Variants in FAM91A1 observed in about 807,000 individuals in gnomAD.
FAM91A1 encodes family with sequence similarity 91 member A1, also known as protein FAM91A1.
A neutral mutation model predicts 113.5 loss-of-function variants in FAM91A1; 41 were observed. The observed-to-expected ratio is 0.36, with a 90% confidence interval of 0.28 to 0.47. The LOEUF (loss-of-function observed/expected upper bound fraction) is 0.47, where lower values mean the gene tolerates loss of function less well. Ranked by LOEUF, FAM91A1 falls within the 20% of genes least tolerant of loss-of-function variation. FAM91A1 has a pLI of 1.00. For missense variants in FAM91A1, 696 were observed against 1,001.2 expected, an observed-to-expected ratio of 0.70 and a Z score of 4.11; for synonymous variants, 307 against 347.9, an observed-to-expected ratio of 0.88 and a Z score of 1.31.
intron 8 of FAM91A1, among the ~76,000 whole-genome samples, chr8:123,781,958 G>T (rs994134357): frequency 6.6e-6 from 1 of 152,188 alleles, no homozygotes; most frequent in African/African-American, 2.4e-5. Context: ...TGGAAAATAT[G>T]AAAGTATTAC....
chr8:123,777,661 G>A (rs926357088), intron 4 of FAM91A1, among the ~76,000 whole-genome samples: 1 of 152,202 alleles, frequency 6.6e-6, no homozygotes, highest in African/African-American at 2.4e-5. Context: ...GTGACATACA[G>A]TTTTTAGTAA....
intron 18 of FAM91A1, among the ~76,000 whole-genome samples, chr8:123,801,844 C>T (rs1188115406): frequency 6.6e-6 from 1 of 151,664 alleles, no homozygotes; most frequent in Non-Finnish European, 1.5e-5. Flanking sequence ...TTTCTAGTGC[C>T]CAGCACGGTG....
At chr8:123,811,325 A>T (rs2130169731) in intron 23 of FAM91A1, 1 of 152,346 alleles carries the variant, frequency 6.6e-6, no homozygotes, top group East Asian at 1.9e-4. Flanking sequence ...GTGCAAAGAG[A>T]AATGATTAAA....
At chr8:123,805,956 G>T in intron 19 of FAM91A1, 124 bp from the exon 20 acceptor site, 1 of 912,054 alleles carries the variant, frequency 1.1e-6, no homozygotes, top group Non-Finnish European at 1.5e-6. Context: ...TTCTTTTTTG[G>T]AATCAATTAT....
chr8:123,779,940 G>C, intron 6 of FAM91A1, 45 bp from the exon 7 acceptor site: 1 of 1,526,276 alleles, frequency 6.6e-7, no homozygotes, highest in Non-Finnish European at 9.0e-7. Flanking sequence ...TTGTGAATTA[G>C]TTAATTTGGA....
In FAM91A1 at chr8:123,789,849, G is replaced by A. The variant is rs891495657; in HGVS notation, c.1411+104G>A. ...TATATAATCATCACTTACGTATTTTGTGTAGATAGCATATTGAATTTATAA... is the reference window on the plus strand; with the variant it reads ...TATATAATCATCACTTACGTATTTTATGTAGATAGCATATTGAATTTATAA... On this transcript the variant is annotated intron_variant, in intron 15 of 23. Coordinates refer to ENST00000334705, the MANE Select transcript of FAM91A1 (RefSeq NM_144963.4). 3.0e-6 allele frequency: 4 copies of A among 1,326,594 alleles called. No individual in the cohort carries two copies. The African/African-American group carries it at 4.5e-5, about 15-fold the overall frequency. The allele number at this position is 1,326,594 out of a possible 1,614,324, so 82.2% of individuals were successfully genotyped here. A position where few individuals can be genotyped will look rare whatever the true frequency, so the allele number is the denominator to read the frequency against.
At chr8:123,795,724 C>A (rs1815501066) in intron 15 of FAM91A1, among the ~76,000 whole-genome samples, 1 of 152,136 alleles carries the variant, frequency 6.6e-6, no homozygotes, top group African/African-American at 2.4e-5. Context: ...CTGAAGAGGT[C>A]TTTAATGCAT....
intron 23 of FAM91A1, chr8:123,810,569 A>G (rs1815928588): frequency 4.9e-6 from 3 of 614,258 alleles, no homozygotes; most frequent in Non-Finnish European, 5.7e-6. Flanking sequence ...GTTCTGTGCC[A>G]GTGCTTTATT....
At chr8:123,778,243 T>G in intron 5 of FAM91A1, 151 bp downstream of exon 5, 16 of 575,814 alleles carry the variant, frequency 2.8e-5, no homozygotes, top group Non-Finnish European at 3.6e-5. Context: ...CAGTATTCTC[T>G]AGGTTATAGC....
intron 2 of FAM91A1, 79 bp from the exon 3 acceptor site, chr8:123,775,068 T>G (rs1167627327): frequency 7.5e-7 from 1 of 1,328,452 alleles, no homozygotes; most frequent in Non-Finnish European, 1.0e-6. Context: ...AAATTACTGT[T>G]GGTTTGTAAA....
At chr8:123,784,964 C>A in intron 9 of FAM91A1, 117 bp from the exon 10 acceptor site, 2 of 665,306 alleles carry the variant, frequency 3.0e-6, no homozygotes, top group Non-Finnish European at 4.9e-6. Flanking sequence ...TTTATTCAGT[C>A]TTCTAATTAT....
rs971351852 is a variant in FAM91A1 at position 123,786,590 on chromosome 8, C to G, written c.1058C>G (p.Thr353Arg). 7 of 1,613,900 alleles carry G rather than the reference C, an allele frequency of 4.3e-6. No individual in the cohort carries two copies. In the African/African-American group the frequency reaches 5.3e-5, roughly 12 times the overall value. ...QEASSATDTD[T>R]NSQEDPADTA... is the part of the protein sequence containing the mutation. ...GCTTCATCGGCAACTGACACTGATA[C>G]AAATAGTCAAGAAGATCCAGGTTAG... The change falls in exon 12 of 24, where the codon ACA (threonine) becomes AGA (arginine). Residue 353 changes from threonine (T) to arginine (R), a missense_variant. Transcript: ENST00000334705.
In FAM91A1 at chr8:123,798,114, G is replaced by A. The variant is rs1447142022; in HGVS notation, c.1436G>A (p.Cys479Tyr). The A allele has an allele frequency of 8.1e-6, 13 of 1,613,700 alleles. No individual in the cohort carries two copies. The highest frequency in any genetic ancestry group is 1.0e-5 in the Non-Finnish European group (12 of 1,179,892). The change falls in exon 16 of 24, where the codon TGT becomes TAT. Residue 479 changes from cysteine to tyrosine, a missense_variant. Physicochemically the swap from Cys to Tyr is radical, Grantham distance 194. Transcript: ENST00000334705. ...GGTTTTCCTCTGGATCTCTTACGCTGTGAAAGCCTTCTTGGTTTGGACCCT... is the reference window on the plus strand; with the variant it reads ...GGTTTTCCTCTGGATCTCTTACGCTATGAAAGCCTTCTTGGTTTGGACCCT... ...NYGFPLDLLR[C>Y]ESLLGLDPAT... is the part of the protein sequence containing the mutation.
rs1269217127 is a variant in FAM91A1, at chr8:123,799,667, G to A, written c.1695+13G>A. The A allele has an allele frequency of 1.9e-6, 3 of 1,612,994 alleles. No homozygotes were observed. The highest frequency in any genetic ancestry group is 4.5e-5 in the East Asian group (2 of 44,846). On this transcript the variant is annotated intron_variant, in intron 17 of 23. Coordinates refer to ENST00000334705, the MANE Select transcript of FAM91A1 (RefSeq NM_144963.4). Reference sequence around the variant, plus strand: ...AGATATATTTCAGGTATGTGTGGGAGGTTTGGGTGGTTTTTTTATGTGTGT... The same window carrying A: ...AGATATATTTCAGGTATGTGTGGGAAGTTTGGGTGGTTTTTTTATGTGTGT...
At chr8:123,778,626 A>G in intron 5 of FAM91A1, 33 bp from the exon 6 acceptor site, 1 of 1,505,622 alleles carries the variant, frequency 6.6e-7, no homozygotes, top group South Asian at 1.1e-5. Flanking sequence ...GTAGTTTTAG[A>G]TTGCAAATTC....
intron 5 of FAM91A1, among the ~76,000 whole-genome samples, 199 bp from the exon 6 acceptor site, chr8:123,778,460 A>G (rs1038879033): frequency 2.6e-5 from 4 of 151,730 alleles, no homozygotes; most frequent in African/African-American, 7.3e-5. Context: ...TAGTGTTTTG[A>G]AACAATTTAT....
chr8:123,785,209 G>T, intron 10 of FAM91A1, 90 bp downstream of exon 10: 2 of 1,069,636 alleles, frequency 1.9e-6, no homozygotes, highest in Non-Finnish European at 1.4e-6. Flanking sequence ...ACTGAGAAAC[G>T]AAGACATTGA....
chr8:123,793,029 G>A (rs537852265), intron 15 of FAM91A1, among the ~76,000 whole-genome samples: 12 of 152,060 alleles, frequency 7.9e-5, no homozygotes, highest in Non-Finnish European at 1.6e-4. Context: ...CTCAACCTAA[G>A]CCAGGATGTA....
Position 123,813,204 on chromosome 8 carries a change from C to T in FAM91A1, c.*500C>T, listed in dbSNP as rs1816001099. The T allele has an allele frequency of 1.3e-5, 2 of 152,714 alleles. No individual in the cohort carries two copies. The highest frequency in any genetic ancestry group is 2.1e-4 in the South Asian group (1 of 4,826). 9.5% of individuals were successfully genotyped at this position (152,714 alleles called of 1,614,324 possible). On this transcript the variant is annotated 3_prime_UTR_variant, in exon 24 of 24. Transcript: ENST00000334705. ...AGTATTGAGAGATGATATGATAGGG[C>T]ATTATGAATTCCTATGGGTGTCTGT...
Sources: allele counts gnomAD v4.1 joint callset (sites outside exome capture counted in the v4.1 genomes callset), GRCh38; gene constraint gnomAD v4.1.1; transcripts MANE v1.5; gene names NCBI Gene and HGNC (gene_info 2026-07-23, HGNC 2026-07-21).